The following SCRG1 variants were observed in gnomAD, a reference collection of about 807,000 sequenced individuals.
SCRG1 encodes scrapie-responsive protein 1.
A neutral mutation model predicts 7.7 loss-of-function variants in SCRG1; 3 were observed. The observed-to-expected ratio is 0.39, with a 90% CI of 0.18 to 1.01. SCRG1 has a LOEUF of 1.01. SCRG1 is among the 50% of genes least tolerant of loss of function. The probability of loss-of-function intolerance (pLI) is 0.36; values close to 1 mark genes in which losing one functional copy is unlikely to be tolerated. For synonymous variants in SCRG1, 46 were observed against 41.2 expected (o/e 1.12, Z -0.44); for missense variants, 110 against 117.2 (o/e 0.94, Z 0.28).
At chr4:173,412,888 G>A in the SCRG1 span, among the ~76,000 whole-genome samples, 1 of 152,160 alleles carries the variant, frequency 6.6e-6, no homozygotes, top group Non-Finnish European at 1.5e-5. Flanking sequence ...TTCATCCCAG[G>A]TTGAGAATCT....
the SCRG1 span, among the ~76,000 whole-genome samples, chr4:173,499,807 G>C: frequency 2.0e-5 from 3 of 152,194 alleles, no homozygotes; most frequent in Non-Finnish European, 2.9e-5. This position sits in a 1 kb window ranked among gnomAD's most constrained non-coding sequence, Gnocchi z 4.1. Context: ...AAAAAAAAGT[G>C]GGGGGCAGGG....
the SCRG1 span, among the ~76,000 whole-genome samples, chr4:173,492,312 C>T: frequency 2.6e-5 from 4 of 152,098 alleles, no homozygotes; most frequent in African/African-American, 4.8e-5. Context: ...GTGAAAGAGG[C>T]AGCATGAGAG....
chr4:173,465,376 C>T, the SCRG1 span, among the ~76,000 whole-genome samples: 1 of 151,984 alleles, frequency 6.6e-6, no homozygotes, highest in Non-Finnish European at 1.5e-5. Context: ...AAAATGGAAA[C>T]TGAATGTCCA....
the SCRG1 span, among the ~76,000 whole-genome samples, chr4:173,473,901 C>T: frequency 0.58 from 88,572 of 152,080 alleles, 28,573 homozygotes; most frequent in Non-Finnish European, 0.73. Context: ...CTTCCTGGGC[C>T]GGACATGGTG....
At chr4:173,454,767 C>A in the SCRG1 span, among the ~76,000 whole-genome samples, 1 of 152,070 alleles carries the variant, frequency 6.6e-6, no homozygotes, top group Admixed American at 6.5e-5. Context: ...TGGTGTGGGG[C>A]AGACTGATAG....
At chr4:173,482,791 C>T in the SCRG1 span, among the ~76,000 whole-genome samples, 1 of 150,100 alleles carries the variant, frequency 6.7e-6, no homozygotes, top group East Asian at 1.9e-4. Flanking sequence ...GGACTCCAGC[C>T]TGGGTGACAA....
the SCRG1 span, among the ~76,000 whole-genome samples, chr4:173,446,022 A>G: frequency 6.6e-6 from 1 of 152,112 alleles, no homozygotes; most frequent in Non-Finnish European, 1.5e-5. Context: ...GACATCATTC[A>G]GTCCCCCTCC....
At chr4:173,437,700 A>G in the SCRG1 span, among the ~76,000 whole-genome samples, 57,364 of 152,060 alleles carry the variant, frequency 0.38, 11,038 homozygotes, top group South Asian at 0.53. Flanking sequence ...GTTTGAGTTC[A>G]TATATGGTAT....
the SCRG1 span, among the ~76,000 whole-genome samples, chr4:173,428,623 C>T: frequency 6.6e-6 from 1 of 152,168 alleles, no homozygotes; most frequent in Non-Finnish European, 1.5e-5. Context: ...AGAATCTGAT[C>T]TCCATTAAGA....
chr4:173,477,742 CCTT>C, the SCRG1 span, among the ~76,000 whole-genome samples: 1 of 147,394 alleles, frequency 6.8e-6, no homozygotes, highest in Non-Finnish European at 1.5e-5. Flanking sequence ...TTCCTTCCTT[CCTT>C]CCTTCCTTCC....
chr4:173,435,624 A>T, the SCRG1 span, among the ~76,000 whole-genome samples: 1 of 152,238 alleles, frequency 6.6e-6, no homozygotes, highest in Non-Finnish European at 1.5e-5. Context: ...TGAAATAAAT[A>T]TAAGAACATC....
chr4:173,483,320 ATATAT>A, the SCRG1 span, among the ~76,000 whole-genome samples: 2 of 66,970 alleles, frequency 3.0e-5, no homozygotes, highest in African/African-American at 1.2e-4. Flanking sequence ...ATTACATATC[ATATAT>A]TATATATTAT....
the SCRG1 span, among the ~76,000 whole-genome samples, chr4:173,494,161 C>A: frequency 6.6e-6 from 1 of 152,168 alleles, no homozygotes; most frequent in African/African-American, 2.4e-5. Flanking sequence ...CATGACCCTG[C>A]ACCCACAGGT....
chr4:173,395,555 T>A (rs1301941482), intron 1 of SCRG1, among the ~76,000 whole-genome samples: 2 of 152,224 alleles, frequency 1.3e-5, no homozygotes, highest in African/African-American at 4.8e-5. Flanking sequence ...CTTCCCTTGA[T>A]ATTAATTTCT....
the SCRG1 span, among the ~76,000 whole-genome samples, chr4:173,458,386 A>G: frequency 1.3e-5 from 2 of 152,254 alleles, no homozygotes; most frequent in Non-Finnish European, 2.9e-5. Flanking sequence ...TAATTAAAAA[A>G]AAACAGATGA....
the SCRG1 span, among the ~76,000 whole-genome samples, chr4:173,421,718 G>T: frequency 6.6e-6 from 1 of 152,196 alleles, no homozygotes; most frequent in African/African-American, 2.4e-5. Flanking sequence ...TGCAGGGGTA[G>T]ATTCTCTTAC....
intron 1 of SCRG1, 95 bp from the exon 2 acceptor site, chr4:173,391,523 G>A: frequency 6.2e-6 from 8 of 1,290,228 alleles, no homozygotes; most frequent in Non-Finnish European, 6.5e-6. Flanking sequence ...TAAACCCTTG[G>A]ATAGAAAGAA....
At chr4:173,456,572 T>C in the SCRG1 span, among the ~76,000 whole-genome samples, 3 of 152,240 alleles carry the variant, frequency 2.0e-5, no homozygotes, top group Non-Finnish European at 4.4e-5. Context: ...TTATCATTTT[T>C]TAAACCTCAA....
the SCRG1 span, among the ~76,000 whole-genome samples, chr4:173,451,370 T>G: frequency 2.6e-5 from 4 of 151,872 alleles, no homozygotes; most frequent in Non-Finnish European, 5.9e-5. Context: ...GAGACCTATC[T>G]GCTGAGGTGA....
Sources: allele counts gnomAD v4.1 joint callset (sites outside exome capture counted in the v4.1 genomes callset), GRCh38; gene constraint gnomAD v4.1.1; non-coding constraint Gnocchi (gnomAD v3.1); transcripts MANE v1.5; gene names NCBI Gene and HGNC (gene_info 2026-07-23, HGNC 2026-07-21).